Variants in AP3S2 observed in about 807,000 individuals in gnomAD.
The protein encoded by AP3S2 is adaptor related protein complex 3 subunit sigma 2, also known as AP-3 complex subunit sigma-2.
A neutral mutation model predicts 23.4 loss-of-function variants in AP3S2; 22 were observed. That is an observed-to-expected ratio of 0.94 (90% confidence interval 0.67 to 1.34). The LOEUF (loss-of-function observed/expected upper bound fraction) is 1.34, where lower values mean the gene tolerates loss of function less well. Among genes scored for constraint, AP3S2 ranks in the 40% most tolerant of loss-of-function variants. The probability of loss-of-function intolerance (pLI) is 0.00; values close to 1 mark genes in which losing one functional copy is unlikely to be tolerated. For synonymous variants in AP3S2, 86 were observed against 87.1 expected (o/e 0.99, Z 0.07); for missense variants, 241 against 236.9 (o/e 1.02, Z -0.11).
chr15:89,867,921 G>C (rs553729590), intron 4 of AP3S2, among the ~76,000 whole-genome samples: 6 of 88,456 alleles, frequency 6.8e-5, no homozygotes, highest in South Asian at 9.9e-4. Context: ...GGAGGGAGGT[G>C]GGGGGGGTCA....
intron 4 of AP3S2, among the ~76,000 whole-genome samples, chr15:89,864,117 CTG>C (rs984365530): frequency 6.6e-6 from 1 of 152,126 alleles, no homozygotes; most frequent in Non-Finnish European, 1.5e-5. Flanking sequence ...GTTTCATAAA[CTG>C]TAAAAAAAAT....
chr15:89,865,513 T>C (rs1896097789), intron 4 of AP3S2: 1 of 152,244 alleles, frequency 6.6e-6, no homozygotes, highest in African/African-American at 2.4e-5. Flanking sequence ...GGTAGAAGTA[T>C]AAATGGATAC....
At chr15:89,867,890 G>A (rs1459062036) in intron 4 of AP3S2, among the ~76,000 whole-genome samples, 8 of 128,838 alleles carry the variant, frequency 6.2e-5, no homozygotes, top group Non-Finnish European at 8.8e-5. Context: ...GAGCGGCTCC[G>A]CCCGGCAGCC....
At chr15:89,862,746 G>T (rs1190451706) in intron 4 of AP3S2, among the ~76,000 whole-genome samples, 1 of 152,178 alleles carries the variant, frequency 6.6e-6, no homozygotes, top group African/African-American at 2.4e-5. Context: ...GCTGGCTCTG[G>T]ATACGTGGCA....
rs1895063013 is a variant in AP3S2, at chr15:89,830,846, T to C, written c.*4669A>G. 1 of 152,196 alleles carries C rather than the reference T, an allele frequency of 6.6e-6. No homozygotes were observed. The highest frequency in any genetic ancestry group is 2.1e-4 in the South Asian group (1 of 4,832). The allele number at this position is 152,196 out of a possible 1,614,324, so 9.4% of individuals were successfully genotyped here. ...GTACAGGGTGATGGGGAGGCCCTCC[T>C]CCCTGGAGAGGGCGGCATGATCCTA... On this transcript the variant is annotated 3_prime_UTR_variant, in exon 6 of 6. Coordinates refer to ENST00000336418, the MANE Select transcript of AP3S2 (RefSeq NM_005829.5).
intron 1 of AP3S2, among the ~76,000 whole-genome samples, chr15:89,892,456 G>C (rs1233389184): frequency 6.6e-6 from 1 of 152,074 alleles, no homozygotes; most frequent in African/African-American, 2.4e-5. Context: ...TGGATTGCTT[G>C]AGCCCAGGAG....
chr15:89,875,130 G>A (rs1896412801), intron 3 of AP3S2, among the ~76,000 whole-genome samples: 1 of 152,254 alleles, frequency 6.6e-6, no homozygotes. Context: ...TGAGGTGGCT[G>A]GTACTGCTAA....
chr15:89,871,386 A>C lies in AP3S2; in HGVS notation c.345+89T>G. Reference sequence around the variant, plus strand: ...TTAAGAGTAAAAAAAAACAAGAAACAATATGAAGATGTAGAGGTGGCTACA... The same window carrying C: ...TTAAGAGTAAAAAAAAACAAGAAACCATATGAAGATGTAGAGGTGGCTACA... On this transcript the variant is annotated intron_variant, in intron 4 of 5. Coordinates refer to ENST00000336418, the MANE Select transcript of AP3S2 (RefSeq NM_005829.5). The C allele has an allele frequency of 4.1e-6, 5 of 1,218,052 alleles. No homozygotes were observed. In the South Asian group the frequency reaches 7.4e-5, roughly 18 times the overall value. 75.5% of individuals were successfully genotyped at this position (1,218,052 alleles called of 1,614,324 possible). A position where few individuals can be genotyped will look rare whatever the true frequency, so the allele number is the denominator to read the frequency against.
chr15:89,851,471 T>C (rs969187287), intron 4 of AP3S2, among the ~76,000 whole-genome samples: 8 of 152,162 alleles, frequency 5.3e-5, no homozygotes, highest in African/African-American at 1.4e-4. Flanking sequence ...CCTGAGTAAC[T>C]ATGATTACAG....
rs895685034 is a variant in AP3S2 at position 89,833,138 on chromosome 15, G to C, written c.*2377C>G. 3.3e-5 allele frequency: 5 copies of C among 152,220 alleles called. No individual in the cohort carries two copies. Among genetic ancestry groups the C allele is most frequent in the Non-Finnish European group, 5.9e-5 (4 of 68,044 alleles). 9.4% of individuals were successfully genotyped at this position (152,220 alleles called of 1,614,324 possible). ...CACGTAACAAACGAACTCAAGAAGA[G>C]GGATGTGGCTCTGGATTTGTGACCC... On this transcript the variant is annotated 3_prime_UTR_variant, in exon 6 of 6. Transcript: ENST00000336418.
rs546894064 is a variant in AP3S2 at position 89,884,516 on chromosome 15, G to C, written c.273+4005C>G. ...TGATTTGTTTAAGGTCACACTGCTT[G>C]TTAATGGCAGAGTCAAAAAGAAAAA... is the stretch of plus-strand genomic sequence containing the variant. On this transcript the variant is annotated intron_variant, in intron 3 of 5. Transcript: ENST00000336418. Among the ~76,000 whole-genome samples the C allele has an allele frequency of 4.6e-5, 7 of 152,022 alleles. No individual in the cohort carries two copies. In the East Asian group the frequency reaches 1.3e-3, roughly 29 times the overall value.
intron 4 of AP3S2, among the ~76,000 whole-genome samples, chr15:89,840,541 A>C (rs935466794): frequency 6.6e-6 from 1 of 151,874 alleles, no homozygotes; most frequent in African/African-American, 2.4e-5. Flanking sequence ...GATTCTCCCA[A>C]CTCAGCCTCC....
At chr15:89,883,329 ACTT>A (rs1217888234) in intron 3 of AP3S2, among the ~76,000 whole-genome samples, 2 of 151,874 alleles carry the variant, frequency 1.3e-5, no homozygotes, top group Admixed American at 6.6e-5. Context: ...TTACTATGTC[ACTT>A]CTTCATTTGT....
chr15:89,859,305 T>A (rs2141864627), intron 4 of AP3S2, among the ~76,000 whole-genome samples: 1 of 150,470 alleles, frequency 6.6e-6, no homozygotes, highest in Middle Eastern at 3.4e-3. Flanking sequence ...TTTTTCTTCC[T>A]TCCTTCCTTT....
intron 4 of AP3S2, among the ~76,000 whole-genome samples, chr15:89,866,188 G>A (rs1896113847): frequency 7.1e-6 from 1 of 140,664 alleles, no homozygotes; most frequent in East Asian, 2.2e-4. Context: ...CTTGAACACG[G>A]GAAGCAGAGG....
At chr15:89,856,850 G>A (rs574083951) in intron 4 of AP3S2, among the ~76,000 whole-genome samples, 11 of 148,890 alleles carry the variant, frequency 7.4e-5, no homozygotes, top group African/African-American at 2.8e-4. Flanking sequence ...TCCAGCCTGG[G>A]CAACAGAGTA....
At chr15:89,854,944 A>G (rs1259394696) in intron 4 of AP3S2, among the ~76,000 whole-genome samples, 1 of 44,496 alleles carries the variant, frequency 2.2e-5, no homozygotes, top group African/African-American at 9.4e-5. Context: ...CCCGTCCGGG[A>G]GGTGAGGGGC....
chr15:89,837,377 T>C (rs974994880), intron 5 of AP3S2, among the ~76,000 whole-genome samples: 1 of 152,220 alleles, frequency 6.6e-6, no homozygotes, highest in East Asian at 1.9e-4. Context: ...TCCTCTGCCA[T>C]CTGGCTTTTC....
intron 4 of AP3S2, among the ~76,000 whole-genome samples, chr15:89,855,775 A>G (rs1895816171): frequency 6.9e-6 from 1 of 145,228 alleles, no homozygotes; most frequent in East Asian, 2.0e-4. Context: ...GCTTGAACCC[A>G]GGAGGCAGAG....
Sources: gnomAD v4.1 joint callset for allele counts (sites outside exome capture counted in the v4.1 genomes callset) on GRCh38, gnomAD v4.1.1 for gene constraint, MANE v1.5 for transcripts, NCBI Gene and HGNC (gene_info 2026-07-23, HGNC 2026-07-21) for gene names.